Variants in DISC1 observed in about 807,000 individuals in gnomAD.
The protein encoded by DISC1 is disrupted in schizophrenia 1 protein.
In DISC1, 57 loss-of-function variants were observed where a neutral mutation model predicts 84.5. The observed-to-expected ratio is 0.67, with a 90% CI of 0.55 to 0.84. The LOEUF is 0.84. Ranked by LOEUF, DISC1 falls within the 40% of genes least tolerant of loss-of-function variation. The pLI, the probability that DISC1 is intolerant of heterozygous loss-of-function variation, is 0.00. For missense variants in DISC1, 1,000 were observed against 1,057.8 expected (o/e 0.95, Z 0.76); for synonymous variants, 411 against 415.2 (o/e 0.99, Z 0.12).
intron 6 of DISC1, among the ~76,000 whole-genome samples, chr1:231,773,699 T>A (rs546265638): frequency 1.9e-4 from 29 of 152,334 alleles, no homozygotes; most frequent in African/African-American, 7.0e-4. Flanking sequence ...GATAGGTTCT[T>A]GAAAGGCATT....
chr1:231,750,468 C>T, intron 4 of DISC1: 1 of 1,003,436 alleles, frequency 1.0e-6, no homozygotes, highest in Non-Finnish European at 1.2e-6. Context: ...CGATGAAAAT[C>T]CATCCTCCTC....
chr1:231,829,319 T>C lies in DISC1; in HGVS notation c.1981+10802T>C, dbSNP rs2082061676. On this transcript the variant is annotated intron_variant, in intron 9 of 12. Transcript: ENST00000439617. ...ACAGAGTGGTATTTAATTCATGCCTTGTTTTTGCATATCTTTGACTAATAC... is the reference window on the plus strand; with the variant it reads ...ACAGAGTGGTATTTAATTCATGCCTCGTTTTTGCATATCTTTGACTAATAC... Among the ~76,000 whole-genome samples, 2 of 152,244 alleles carry C rather than the reference T, an allele frequency of 1.3e-5. 1 individual carries two copies. The highest frequency in any genetic ancestry group is 4.1e-4 in the South Asian group (2 of 4,830).
At chr1:231,694,895 C>A in intron 2 of DISC1, 90 bp downstream of exon 2, 1 of 1,545,338 alleles carries the variant, frequency 6.5e-7, no homozygotes, top group South Asian at 1.2e-5. Flanking sequence ...GTTCTGGGCT[C>A]AACTGACTTC....
At chr1:231,671,666 C>G (rs1299231219) in intron 1 of DISC1, among the ~76,000 whole-genome samples, 1 of 152,116 alleles carries the variant, frequency 6.6e-6, no homozygotes, top group Admixed American at 6.6e-5. Flanking sequence ...CCACATTTTA[C>G]AGTATTTGGC....
At chr1:231,927,806 T>C (rs1431818835) in intron 9 of DISC1, among the ~76,000 whole-genome samples, 1 of 152,226 alleles carries the variant, frequency 6.6e-6, no homozygotes, top group Non-Finnish European at 1.5e-5. Context: ...TGGACCCCCT[T>C]GATCAGGACC....
intron 10 of DISC1, among the ~76,000 whole-genome samples, chr1:231,968,699 G>C (rs933080468): frequency 6.6e-6 from 1 of 152,048 alleles, no homozygotes; most frequent in Non-Finnish European, 1.5e-5. Context: ...GTTGGCAGCA[G>C]TGTTGTCCAC....
At chr1:231,925,072 C>T (rs1280461052) in intron 9 of DISC1, among the ~76,000 whole-genome samples, 1 of 151,378 alleles carries the variant, frequency 6.6e-6, no homozygotes. Flanking sequence ...TGATTCTGCA[C>T]TTAGAGGTTC....
chr1:232,013,486 C>T (rs1668209662), intron 11 of DISC1, among the ~76,000 whole-genome samples: 1 of 150,804 alleles, frequency 6.6e-6, no homozygotes, highest in Admixed American at 6.6e-5. Flanking sequence ...TCATTAAGGG[C>T]TAACACTCCT....
At chr1:231,796,669 A>T (rs1173875204) in intron 7 of DISC1, among the ~76,000 whole-genome samples, 1 of 152,206 alleles carries the variant, frequency 6.6e-6, no homozygotes, top group Non-Finnish European at 1.5e-5. Flanking sequence ...GCTTCCTGTT[A>T]GGAACAAGTG....
At chr1:231,680,867 A>G (rs2063618350) in intron 1 of DISC1, among the ~76,000 whole-genome samples, 1 of 152,246 alleles carries the variant, frequency 6.6e-6, no homozygotes, top group African/African-American at 2.4e-5. Context: ...TGGCATTAAA[A>G]AGGTAACTGT....
intron 3 of DISC1, among the ~76,000 whole-genome samples, chr1:231,739,616 C>T (rs1330525213): frequency 9.2e-5 from 14 of 152,316 alleles, no homozygotes; most frequent in Admixed American, 7.2e-4. Context: ...TGATTTTGAC[C>T]CCAGTCCCAG....
intron 9 of DISC1, among the ~76,000 whole-genome samples, chr1:231,957,002 G>T (rs1451675377): frequency 6.6e-6 from 1 of 152,206 alleles, no homozygotes; most frequent in African/African-American, 2.4e-5. Flanking sequence ...AGCAGTCACA[G>T]CCTGTCCACA....
At chr1:232,024,435 G>T (rs1171681590) in intron 11 of DISC1, among the ~76,000 whole-genome samples, 1 of 152,120 alleles carries the variant, frequency 6.6e-6, no homozygotes, top group Non-Finnish European at 1.5e-5. Context: ...GTTATTTGTG[G>T]AATCTGATTA....
chr1:231,665,461 T>C (rs1219924173), intron 1 of DISC1, among the ~76,000 whole-genome samples: 2 of 152,110 alleles, frequency 1.3e-5, no homozygotes, highest in Non-Finnish European at 2.9e-5. Context: ...GTGCTATAAA[T>C]TGAGATCTGC....
intron 11 of DISC1, among the ~76,000 whole-genome samples, chr1:232,023,140 G>C (rs1479565942): frequency 1.3e-5 from 2 of 152,032 alleles, no homozygotes; most frequent in African/African-American, 2.4e-5. Context: ...GTTCAGGAAA[G>C]TATAAAGAAG....
intron 9 of DISC1, among the ~76,000 whole-genome samples, chr1:231,821,516 C>A (rs2125777203): frequency 6.6e-6 from 1 of 152,224 alleles, no homozygotes; most frequent in Non-Finnish European, 1.5e-5. Flanking sequence ...GTTCTTGAGA[C>A]TTCAGGATAA....
intron 1 of DISC1, among the ~76,000 whole-genome samples, chr1:231,665,315 T>TG (rs560242859): frequency 6.6e-5 from 10 of 152,146 alleles, no homozygotes; most frequent in East Asian, 1.9e-4. Flanking sequence ...ACATTTTTTT[T>TG]TGTGTTTGGA....
chr1:231,692,361 C>T (rs2065146146), intron 1 of DISC1, among the ~76,000 whole-genome samples: 1 of 152,214 alleles, frequency 6.6e-6, no homozygotes, highest in Non-Finnish European at 1.5e-5. Flanking sequence ...AAGAGCAAGT[C>T]ACTGTGTGAG....
At chr1:231,704,248 A>G (rs2066749333) in intron 3 of DISC1, among the ~76,000 whole-genome samples, 1 of 152,166 alleles carries the variant, frequency 6.6e-6, no homozygotes, top group African/African-American at 2.4e-5. Flanking sequence ...GGCAAGCTAG[A>G]GTGAATGAGG....
Sources: allele counts gnomAD v4.1 joint callset (sites outside exome capture counted in the v4.1 genomes callset), GRCh38; gene constraint gnomAD v4.1.1; transcripts MANE v1.5; gene names NCBI Gene and HGNC (gene_info 2026-07-23, HGNC 2026-07-21).